The following RPTOR variants were observed in gnomAD, a reference collection of about 807,000 sequenced individuals.
RPTOR encodes the protein regulatory-associated protein of mTOR.
Under a neutral mutation model 169.9 loss-of-function variants are expected in RPTOR, and 21 were observed. The observed-to-expected ratio is 0.12, with a 90% CI of 0.09 to 0.18. The LOEUF (loss-of-function observed/expected upper bound fraction) is 0.18, where lower values mean the gene tolerates loss of function less well. RPTOR is among the 10% of genes least tolerant of loss of function. RPTOR has a pLI of 1.00. For missense variants in RPTOR, 1,133 were observed against 1,855.9 expected, an observed-to-expected ratio of 0.61 and a Z score of 7.16; for synonymous variants, 732 against 753.2, an observed-to-expected ratio of 0.97 and a Z score of 0.46.
chr17:80,928,796 C>T (rs1276938920), intron 24 of RPTOR, among the ~76,000 whole-genome samples: 1 of 152,160 alleles, frequency 6.6e-6, no homozygotes, highest in Non-Finnish European at 1.5e-5. Context: ...GTTCTGATTA[C>T]AAAAGTCATA....
chr17:80,787,363 T>C (rs1184857412), intron 6 of RPTOR, among the ~76,000 whole-genome samples: 1 of 152,244 alleles, frequency 6.6e-6, no homozygotes, highest in East Asian at 1.9e-4. Context: ...CCACACTGTG[T>C]GCACCTGCTA....
intron 2 of RPTOR, among the ~76,000 whole-genome samples, chr17:80,627,877 G>A (rs920119544): frequency 2.9e-5 from 4 of 139,148 alleles, no homozygotes; most frequent in Admixed American, 7.5e-5. Flanking sequence ...TGCTCTTGTT[G>A]CCCAGGCTGG....
chr17:80,756,515 A>G (rs1024880426), intron 6 of RPTOR, among the ~76,000 whole-genome samples: 5 of 152,224 alleles, frequency 3.3e-5, no homozygotes, highest in African/African-American at 1.2e-4. Context: ...AACACAAAAG[A>G]TAGAAGGTGG....
At chr17:80,634,357 C>CTGTGTGTGCATACTG in intron 2 of RPTOR, among the ~76,000 whole-genome samples, 1 of 58,790 alleles carries the variant, frequency 1.7e-5, no homozygotes, top group South Asian at 6.2e-4. Context: ...CATGTGCGTA[C>CTGTGTGTGCATACTG]TGTGTGTGCA....
At chr17:80,647,079 C>T (rs1033030980) in intron 3 of RPTOR, among the ~76,000 whole-genome samples, 1 of 152,178 alleles carries the variant, frequency 6.6e-6, no homozygotes, top group Non-Finnish European at 1.5e-5. Context: ...TTGAGAGAAA[C>T]CATGGTGATT....
At chr17:80,780,106 A>T (rs1238415577) in intron 6 of RPTOR, among the ~76,000 whole-genome samples, 1 of 152,186 alleles carries the variant, frequency 6.6e-6, no homozygotes, top group African/African-American at 2.4e-5. Flanking sequence ...CATCGTGTCC[A>T]TCTGCTTCTA....
intron 1 of RPTOR, among the ~76,000 whole-genome samples, chr17:80,566,407 C>CTA (rs1467293901): frequency 6.6e-6 from 1 of 151,916 alleles, no homozygotes; most frequent in Non-Finnish European, 1.5e-5. Context: ...TGGTATGAAC[C>CTA]TATTTGTGTT....
intron 20 of RPTOR, among the ~76,000 whole-genome samples, chr17:80,897,312 C>T (rs2143894004): frequency 1.3e-5 from 2 of 151,768 alleles, no homozygotes; most frequent in Middle Eastern, 6.9e-3. Context: ...CGAAACCTTT[C>T]TAACCTTTTA....
chr17:80,585,004 C>T (rs552235238), intron 1 of RPTOR, among the ~76,000 whole-genome samples: 17 of 152,164 alleles, frequency 1.1e-4, no homozygotes, highest in African/African-American at 3.9e-4. Flanking sequence ...GTATCCTTTC[C>T]CCCAACTCTG....
chr17:80,903,502 C>G (rs749491377), intron 20 of RPTOR, among the ~76,000 whole-genome samples: 10 of 152,358 alleles, frequency 6.6e-5, no homozygotes, highest in Non-Finnish European at 1.3e-4. Flanking sequence ...ACTGCGGCAT[C>G]ATTGGTGTTC....
At chr17:80,722,212 G>A (rs1273929176) in intron 4 of RPTOR, among the ~76,000 whole-genome samples, 23 of 151,078 alleles carry the variant, frequency 1.5e-4, no homozygotes, top group Admixed American at 1.5e-3. Context: ...GAGTTTGGAA[G>A]AGGAAATGAT....
Position 80,609,180 on chromosome 17 carries a change from G to T in RPTOR, c.163-16511G>T, listed in dbSNP as rs1167715861. ...GCAGGGGGCGGGGAGCACATGCGGC[G>T]TGCAGACCTTTCCTTAGGTTTGTGC... On this transcript the variant is annotated intron_variant, in intron 1 of 33. Coordinates refer to ENST00000306801, the MANE Select transcript of RPTOR (RefSeq NM_020761.3). This position sits in a 1 kb window ranked among gnomAD's most constrained non-coding sequence, Gnocchi z 4.8. 1.3e-5 allele frequency among the ~76,000 whole-genome samples: 2 copies of T among 152,164 alleles called. No individual in the cohort carries two copies. Among genetic ancestry groups the T allele is most frequent in the Admixed American group, 1.3e-4 (2 of 15,276 alleles).
chr17:80,727,263 A>C (rs577756371), intron 4 of RPTOR, among the ~76,000 whole-genome samples: 2 of 122,368 alleles, frequency 1.6e-5, no homozygotes, highest in East Asian at 5.5e-4. Context: ...CTCTGACCAC[A>C]TCATGCTCCG....
At position 80,607,422 on chromosome 17, in the gene RPTOR, T is replaced by C. The variant is rs1246005446; in HGVS notation, c.163-18269T>C. Among the ~76,000 whole-genome samples the C allele has an allele frequency of 3.3e-5, 5 of 152,094 alleles. No individual in the cohort carries two copies. In the South Asian group the frequency reaches 6.2e-4, roughly 19 times the overall value. On this transcript the variant is annotated intron_variant, in intron 1 of 33. Coordinates refer to ENST00000306801, the MANE Select transcript of RPTOR (RefSeq NM_020761.3). The stretch of plus-strand genomic sequence containing the variant: ...GTTTTCAGAGTATCTTTTATATTGC[T>C]CTTCTGTATATGTTAGCTTACTAGT...
At chr17:80,596,970 C>T (rs1045493796) in intron 1 of RPTOR, among the ~76,000 whole-genome samples, 2 of 152,192 alleles carry the variant, frequency 1.3e-5, no homozygotes, top group South Asian at 2.1e-4. Context: ...ACAGCCGATT[C>T]GTTCAGCAGG....
intron 3 of RPTOR, among the ~76,000 whole-genome samples, chr17:80,666,989 A>G (rs887827557): frequency 2.6e-5 from 4 of 152,210 alleles, no homozygotes; most frequent in Non-Finnish European, 5.9e-5. Context: ...CAAGGAATGC[A>G]GTAGGTGGCA....
chr17:80,665,459 TTTCC>T (rs2065765463), intron 3 of RPTOR, among the ~76,000 whole-genome samples: 4 of 29,858 alleles, frequency 1.3e-4, no homozygotes, highest in African/African-American at 1.2e-3. Flanking sequence ...TTTCCTTTCC[TTTCC>T]TTTCCTTTCC....
intron 5 of RPTOR, among the ~76,000 whole-genome samples, chr17:80,742,719 C>T (rs1299459663): frequency 6.6e-6 from 1 of 152,014 alleles, no homozygotes; most frequent in Non-Finnish European, 1.5e-5. Context: ...GACACACCCA[C>T]ACACATACAC....
chr17:80,964,337 G>A lies in RPTOR; in HGVS notation c.*7G>A. 1 of 1,605,684 alleles carries A rather than the reference G, an allele frequency of 6.2e-7. No homozygotes were observed. Among genetic ancestry groups the A allele is most frequent in the South Asian group, 1.1e-5 (1 of 91,072 alleles). Reference sequence around the variant, plus strand: ...GGAGAAGCGTGTCAGATAGCGGCGTGACCCGGGCCCACCAGGCCACGGCCG... The same window carrying A: ...GGAGAAGCGTGTCAGATAGCGGCGTAACCCGGGCCCACCAGGCCACGGCCG... On this transcript the variant is annotated 3_prime_UTR_variant, in exon 34 of 34. Coordinates refer to ENST00000306801, the MANE Select transcript of RPTOR (RefSeq NM_020761.3).
Sources: allele counts gnomAD v4.1 joint callset (sites outside exome capture counted in the v4.1 genomes callset), GRCh38; gene constraint gnomAD v4.1.1; non-coding constraint Gnocchi (gnomAD v3.1); transcripts MANE v1.5; gene names NCBI Gene and HGNC (gene_info 2026-07-23, HGNC 2026-07-21).